Variants in SGK1 observed in about 807,000 individuals in gnomAD.
The protein encoded by SGK1 is serine/threonine-protein kinase Sgk1.
A neutral mutation model predicts 64.2 loss-of-function variants in SGK1; 26 were observed. The observed-to-expected ratio is 0.40, with a 90% CI of 0.30 to 0.56. SGK1 has a LOEUF of 0.56. SGK1 is among the 20% of genes least tolerant of loss of function. The pLI, the probability that SGK1 is intolerant of heterozygous loss-of-function variation, is 0.38. For synonymous variants in SGK1, 265 were observed against 239.7 expected, an observed-to-expected ratio of 1.11 and a Z score of -0.98; for missense variants, 519 against 645.6, an observed-to-expected ratio of 0.80 and a Z score of 2.12.
chr6:134,281,359 T>C (rs898046028), intron 1 of SGK1, among the ~76,000 whole-genome samples: 37 of 152,146 alleles, frequency 2.4e-4, no homozygotes, highest in African/African-American at 8.0e-4. Context: ...GAGTACTGAG[T>C]ATATCTATGT....
intron 3 of SGK1, among the ~76,000 whole-genome samples, chr6:134,187,393 G>T (rs1299529780): frequency 6.6e-6 from 1 of 152,136 alleles, no homozygotes; most frequent in Non-Finnish European, 1.5e-5. Context: ...GGGTCACTAG[G>T]GGGAATAGTG....
chr6:134,214,943 T>C (rs1582716636), intron 2 of SGK1: 1 of 400,740 alleles, frequency 2.5e-6, no homozygotes, highest in African/African-American at 2.1e-5. Context: ...AGAAAGATCA[T>C]ATTTAGAAGG....
At chr6:134,175,609 C>G in intron 3 of SGK1, 1 of 1,545,320 alleles carries the variant, frequency 6.5e-7, no homozygotes, top group Non-Finnish European at 8.7e-7. Context: ...GTGGCGGGGC[C>G]GCAGCAGGGA....
At chr6:134,312,833 C>T (rs1441824711) in intron 1 of SGK1, among the ~76,000 whole-genome samples, 2 of 151,950 alleles carry the variant, frequency 1.3e-5, no homozygotes, top group African/African-American at 4.8e-5. Flanking sequence ...AGTGCAGTGG[C>T]GAGACCTCAG....
intron 11 of SGK1, 174 bp from the exon 12 acceptor site, chr6:134,171,352 GTGTGTT>G: frequency 1.5e-6 from 1 of 652,950 alleles, no homozygotes; most frequent in Non-Finnish European, 2.6e-6. Context: ...CAACCCGTGT[GTGTGTT>G]TGTGTGTGTG....
Position 134,175,548 on chromosome 6 carries a change from T to G in SGK1, c.362-962A>C, listed in dbSNP as rs755463080. ...GGGGCCGGCGGCGGCGCTTACCCAG[T>G]CCGCTCAGCAGGAAGGACTCGCTCC... On this transcript the variant is annotated intron_variant, in intron 3 of 13. Transcript: ENST00000367858. 15 of 1,523,142 alleles carry G rather than the reference T, an allele frequency of 9.8e-6. No individual in the cohort carries two copies. The South Asian group carries it at 1.6e-4, about 16-fold the overall frequency. The allele number at this position is 1,523,142 out of a possible 1,614,324, so 94.4% of individuals were successfully genotyped here.
intron 2 of SGK1, among the ~76,000 whole-genome samples, chr6:134,213,919 C>T (rs1438664707): frequency 6.6e-6 from 1 of 152,042 alleles, no homozygotes; most frequent in Non-Finnish European, 1.5e-5. Context: ...AAGCTTAAAG[C>T]ATACACAACA....
In SGK1 at chr6:134,292,701, G is replaced by A. The variant is rs567892262; in HGVS notation, c.69+24691C>T. Reference sequence around the variant, plus strand: ...GAAAAGTGAGAGAAAAAGATGAAAAGGATCCAAAATGCATTTGAATAGGAA... The same window carrying A: ...GAAAAGTGAGAGAAAAAGATGAAAAAGATCCAAAATGCATTTGAATAGGAA... On this transcript the variant is annotated intron_variant, in intron 1 of 13. Coordinates refer to ENST00000367858, the MANE Select transcript of SGK1 (RefSeq NM_001143676.3). 2.6e-5 allele frequency among the ~76,000 whole-genome samples: 4 copies of A among 152,210 alleles called. No individual in the cohort carries two copies. The South Asian group carries it at 6.2e-4, about 24-fold the overall frequency.
chr6:134,237,651 C>T (rs745311279), intron 2 of SGK1, among the ~76,000 whole-genome samples: 16 of 152,168 alleles, frequency 1.1e-4, no homozygotes, highest in Non-Finnish European at 1.6e-4. Context: ...GCACTCCAGC[C>T]TGAGTGACAG....
At chr6:134,175,765 C>G (rs980842222) in intron 3 of SGK1, 35 of 1,335,298 alleles carry the variant, frequency 2.6e-5, no homozygotes, top group Non-Finnish European at 3.1e-5. Flanking sequence ...TTTCCTGCCC[C>G]GAGTCCCAAA....
chr6:134,203,793 G>A (rs1380772489), intron 3 of SGK1, among the ~76,000 whole-genome samples: 1 of 152,192 alleles, frequency 6.6e-6, no homozygotes, highest in Non-Finnish European at 1.5e-5. Context: ...GTTGGGCACG[G>A]TGGCTCATGC....
intron 2 of SGK1, among the ~76,000 whole-genome samples, chr6:134,208,024 G>C (rs762559660): frequency 7.2e-5 from 11 of 152,158 alleles, no homozygotes; most frequent in Non-Finnish European, 1.6e-4. Flanking sequence ...CGATTCTCCT[G>C]CCTCAGCCTC....
In SGK1 at chr6:134,222,951, G is replaced by A. The variant is rs189942762; in HGVS notation, c.286-15520C>T. ...TATCAATGTATTTTCAAGCTCCCCAGGAATCTCTAATTTGCTTAAACCAAC... is the reference window on the plus strand; with the variant it reads ...TATCAATGTATTTTCAAGCTCCCCAAGAATCTCTAATTTGCTTAAACCAAC... On this transcript the variant is annotated intron_variant, in intron 2 of 13. Coordinates refer to ENST00000367858, the MANE Select transcript of SGK1 (RefSeq NM_001143676.3). 1.7e-4 allele frequency among the ~76,000 whole-genome samples: 26 copies of A among 152,238 alleles called. No individual in the cohort carries two copies. The East Asian group carries it at 5.0e-3, about 29-fold the overall frequency.
At chr6:134,220,058 C>CAAAAAAAAAAA (rs55870107) in intron 2 of SGK1, among the ~76,000 whole-genome samples, 57 of 61,360 alleles carry the variant, frequency 9.3e-4, no homozygotes, top group African/African-American at 3.8e-3. Context: ...GACTCCGTCT[C>CAAAAAAAAAAA]AAAAAAAAAA....
rs952867235 is a variant in SGK1, at chr6:134,285,090, A to T, written c.70-22942T>A. On this transcript the variant is annotated intron_variant, in intron 1 of 13. Coordinates refer to ENST00000367858, the MANE Select transcript of SGK1 (RefSeq NM_001143676.3). ...GCTGAATCAAATGGTAGTTCTACTT[A>T]TAGTTCTTTAAGGAATTTCTCTACT... is the stretch of plus-strand genomic sequence containing the variant. 6.6e-5 allele frequency among the ~76,000 whole-genome samples: 10 copies of T among 152,066 alleles called. No individual in the cohort carries two copies. The South Asian group carries it at 2.1e-3, about 32-fold the overall frequency.
At chr6:134,178,700 C>T (rs1775286511) in intron 3 of SGK1, among the ~76,000 whole-genome samples, 1 of 152,240 alleles carries the variant, frequency 6.6e-6, no homozygotes, top group African/African-American at 2.4e-5. Context: ...CGCGTATACG[C>T]GGCTTCCCCC....
In SGK1 at chr6:134,170,262, C is replaced by G. The variant is rs375654397; in HGVS notation, c.*6G>C. ...AAAATCCTTTAAAACCAAGCCCTAACAGGGTTCAGAGGAAAGAGTCCGTGG... is the reference window on the plus strand; with the variant it reads ...AAAATCCTTTAAAACCAAGCCCTAAGAGGGTTCAGAGGAAAGAGTCCGTGG... On this transcript the variant is annotated 3_prime_UTR_variant, in exon 14 of 14. Transcript: ENST00000367858. The G allele has an allele frequency of 1.2e-6, 2 of 1,603,680 alleles. No individual in the cohort carries two copies. Among genetic ancestry groups the G allele is most frequent in the South Asian group, 2.2e-5 (2 of 90,664 alleles).
chr6:134,219,174 A>G (rs1295876658), intron 2 of SGK1, among the ~76,000 whole-genome samples: 1 of 151,340 alleles, frequency 6.6e-6, no homozygotes, highest in Non-Finnish European at 1.5e-5. Context: ...CTGGTTTTTT[A>G]TTTTGTTTTG....
chr6:134,201,459 T>G (rs1775683276), intron 3 of SGK1, among the ~76,000 whole-genome samples: 1 of 152,000 alleles, frequency 6.6e-6, no homozygotes, highest in African/African-American at 2.4e-5. Flanking sequence ...CCTCCTGGGT[T>G]CAAGCAATTC....
Sources: allele counts gnomAD v4.1 joint callset (sites outside exome capture counted in the v4.1 genomes callset), GRCh38; gene constraint gnomAD v4.1.1; transcripts MANE v1.5; gene names NCBI Gene and HGNC (gene_info 2026-07-23, HGNC 2026-07-21).